Variants in SUPT3H observed in about 807,000 individuals in gnomAD.
SUPT3H encodes transcription initiation protein SPT3 homolog.
A neutral mutation model predicts 44.3 loss-of-function variants in SUPT3H; 44 were observed. The observed-to-expected ratio is 0.99, with a 90% CI of 0.78 to 1.28. The LOEUF (loss-of-function observed/expected upper bound fraction) is 1.28. Ranked by LOEUF, SUPT3H falls within the 50% of genes most tolerant of loss-of-function variation. SUPT3H has a pLI of 0.00. For missense variants in SUPT3H, 380 were observed against 387.1 expected (o/e 0.98, Z 0.15); for synonymous variants, 124 against 125.6 (o/e 0.99, Z 0.09).
chr6:44,964,845 T>C (rs1016128306), intron 6 of SUPT3H, among the ~76,000 whole-genome samples: 8 of 152,162 alleles, frequency 5.3e-5, no homozygotes, highest in Non-Finnish European at 8.8e-5. Flanking sequence ...GGCTTAGAGA[T>C]AGAAGGCAGC....
chr6:44,828,757 AT>A lies in SUPT3H; in HGVS notation c.*1058del, dbSNP rs1768087679. 6.6e-6 allele frequency: 1 copy of A among 152,442 alleles called. No homozygotes were observed. Among genetic ancestry groups the A allele is most frequent in the Admixed American group, 6.5e-5 (1 of 15,276 alleles). 9.4% of individuals were successfully genotyped at this position (152,442 alleles called of 1,614,324 possible). A position where few individuals can be genotyped will look rare whatever the true frequency, so the allele number is the denominator to read the frequency against. ...TTTCATGTTTCTCATTTCTGTTTTT[AT>A]TAATTCTTTAGAAAGAGTGTTTCAA... On this transcript the variant is annotated 3_prime_UTR_variant, in exon 11 of 11. Transcript: ENST00000371459.
intron 3 of SUPT3H, among the ~76,000 whole-genome samples, chr6:45,071,412 T>G (rs1794362958): frequency 1.3e-5 from 2 of 152,160 alleles, no homozygotes; most frequent in African/African-American, 4.8e-5. Context: ...TGCCCCATGA[T>G]ATCCATTAAA....
rs12214435 is a variant in SUPT3H, at chr6:44,938,980, G to T, written c.802-6217C>A. On this transcript the variant is annotated intron_variant, in intron 9 of 10. Coordinates refer to ENST00000371459, the MANE Select transcript of SUPT3H (RefSeq NM_003599.4). ...GAGAGGTTTTTGGTGGAATCTTTAG[G>T]TTTTTCTAGATATAAGATCATATAA... 1.9e-4 allele frequency among the ~76,000 whole-genome samples: 29 copies of T among 152,004 alleles called. 1 individual carries two copies. In the South Asian group the frequency reaches 5.8e-3, roughly 30 times the overall value.
intron 3 of SUPT3H, among the ~76,000 whole-genome samples, 192 bp downstream of exon 3, chr6:45,105,730 A>T (rs1393458483): frequency 1.3e-5 from 2 of 152,208 alleles, no homozygotes. Flanking sequence ...AGTTAATATT[A>T]TAATATTCCA....
intron 10 of SUPT3H, among the ~76,000 whole-genome samples, chr6:44,858,900 T>A (rs1774162845): frequency 6.6e-6 from 1 of 152,208 alleles, no homozygotes; most frequent in Admixed American, 6.5e-5. Flanking sequence ...TCAGTAATGA[T>A]GGTTTTTCCA....
intron 10 of SUPT3H, among the ~76,000 whole-genome samples, chr6:44,836,331 A>G (rs1340198053): frequency 1.3e-5 from 2 of 152,200 alleles, no homozygotes; most frequent in Admixed American, 1.3e-4. Context: ...TCATCATTAA[A>G]CATTTTTCTT....
intron 2 of SUPT3H, among the ~76,000 whole-genome samples, chr6:45,242,589 G>A (rs1770568679): frequency 6.6e-6 from 1 of 152,194 alleles, no homozygotes; most frequent in African/African-American, 2.4e-5. Context: ...TTGGAAAGCA[G>A]TAGACTATAA....
Position 45,359,852 on chromosome 6 carries a change from T to C in SUPT3H, c.101+5349A>G, listed in dbSNP as rs1375596419. On this transcript the variant is annotated intron_variant, in intron 2 of 10. Coordinates refer to ENST00000371459, the MANE Select transcript of SUPT3H (RefSeq NM_003599.4). ...TGAGCCCAGAAGTTCAAGACCAGCC[T>C]GGGCAACACGACAAAATCCTGCCTC... 4.6e-5 allele frequency among the ~76,000 whole-genome samples: 7 copies of C among 152,264 alleles called. No individual in the cohort carries two copies. The East Asian group carries it at 1.4e-3, about 29-fold the overall frequency.
At chr6:45,086,294 A>G (rs1252976784) in intron 3 of SUPT3H, among the ~76,000 whole-genome samples, 1 of 152,034 alleles carries the variant, frequency 6.6e-6, no homozygotes, top group Non-Finnish European at 1.5e-5. Context: ...AGTTTCACCT[A>G]GTTGTGTAAA....
At chr6:44,855,365 TC>T (rs1352146041) in intron 10 of SUPT3H, among the ~76,000 whole-genome samples, 4 of 152,152 alleles carry the variant, frequency 2.6e-5, no homozygotes, top group Non-Finnish European at 2.9e-5. Context: ...GTAGCAGACA[TC>T]CTGGCTCTAG....
At chr6:45,090,349 GATAA>G (rs1164338495) in intron 3 of SUPT3H, among the ~76,000 whole-genome samples, 10 of 151,984 alleles carry the variant, frequency 6.6e-5, no homozygotes, top group Admixed American at 3.3e-4. Flanking sequence ...TACTGACATA[GATAA>G]ATAACTTCAT....
chr6:45,266,363 C>T (rs1775266282), intron 2 of SUPT3H, among the ~76,000 whole-genome samples: 1 of 151,644 alleles, frequency 6.6e-6, no homozygotes. Flanking sequence ...GTAAAAATTT[C>T]TAATGATTTC....
chr6:45,147,563 G>A (rs776345632), intron 2 of SUPT3H, among the ~76,000 whole-genome samples: 21 of 151,896 alleles, frequency 1.4e-4, no homozygotes, highest in Non-Finnish European at 2.1e-4. Flanking sequence ...TATAAAGGAA[G>A]GGTATAAGGG....
chr6:45,253,391 G>T (rs1014201173), intron 2 of SUPT3H, among the ~76,000 whole-genome samples: 2 of 152,140 alleles, frequency 1.3e-5, no homozygotes, highest in African/African-American at 4.8e-5. Context: ...GCACTACTGG[G>T]CATTTTGAAG....
chr6:44,846,636 T>A (rs1002469352), intron 10 of SUPT3H, among the ~76,000 whole-genome samples: 5 of 152,072 alleles, frequency 3.3e-5, no homozygotes, highest in Admixed American at 6.6e-5. Context: ...TTGAATTTTT[T>A]TTTTTTTCTT....
chr6:45,368,994 C>G (rs1455632239), intron 1 of SUPT3H, among the ~76,000 whole-genome samples: 3 of 149,970 alleles, frequency 2.0e-5, no homozygotes, highest in Admixed American at 1.3e-4. Flanking sequence ...TGGTCAATCA[C>G]TGAGAATGAA....
chr6:45,010,084 TC>T (rs1207646241), intron 5 of SUPT3H, among the ~76,000 whole-genome samples: 6 of 152,138 alleles, frequency 3.9e-5, no homozygotes, highest in African/African-American at 1.2e-4. Flanking sequence ...AATATTTTAT[TC>T]TTTTTGATGC....
At chr6:45,324,412 A>G (rs1786025417) in intron 2 of SUPT3H, among the ~76,000 whole-genome samples, 1 of 152,042 alleles carries the variant, frequency 6.6e-6, no homozygotes, top group Non-Finnish European at 1.5e-5. Context: ...GAATATAACA[A>G]TTTCTAATGA....
At chr6:45,122,568 C>T (rs1479007116) in intron 2 of SUPT3H, among the ~76,000 whole-genome samples, 2 of 152,066 alleles carry the variant, frequency 1.3e-5, no homozygotes, top group Non-Finnish European at 2.9e-5. Context: ...TGGTAACTAA[C>T]TTTATTCCAA....
Sources: gnomAD v4.1 joint callset for allele counts (sites outside exome capture counted in the v4.1 genomes callset) on GRCh38, gnomAD v4.1.1 for gene constraint, MANE v1.5 for transcripts, NCBI Gene and HGNC (gene_info 2026-07-23, HGNC 2026-07-21) for gene names.